TNFAIP3: variants seen among roughly 807,000 people sequenced by gnomAD.
The protein encoded by TNFAIP3 is TNF alpha induced protein 3, also known as tumor necrosis factor alpha-induced protein 3.
TNFAIP3 carries 9 observed loss-of-function variants against 72.4 expected under a neutral mutation model. That is an observed-to-expected ratio of 0.12 (90% confidence interval 0.07 to 0.22). The LOEUF (loss-of-function observed/expected upper bound fraction) is 0.22. Among genes scored for constraint, TNFAIP3 ranks in the 10% least tolerant of loss-of-function variants. The pLI is 1.00. For missense variants in TNFAIP3, 833 were observed against 1,018.7 expected, an observed-to-expected ratio of 0.82 and a Z score of 2.48; for synonymous variants, 339 against 372.6, an observed-to-expected ratio of 0.91 and a Z score of 1.04.
rs765957007 is a variant in TNFAIP3, at chr6:137,878,525, C to A, written c.1080C>A (p.Ser360Arg). ...AGTACAAGAAATGGCAGGAAAACAG[C>A]GAGCAGGGGAGGAGAGAGGGGCACG... ...QHEYKKWQEN[S>R]EQGRREGHAQ... The change falls in exon 7 of 9, where the codon AGC becomes AGA. Residue 360 changes from serine to arginine, a missense_variant. Physicochemically the swap from Ser to Arg is moderately radical, Grantham distance 110. Transcript: ENST00000612899. 1.9e-6 allele frequency: 3 copies of A among 1,614,104 alleles called. 1 individual carries two copies. Among genetic ancestry groups the A allele is most frequent in the African/African-American group, 1.3e-5 (1 of 74,934 alleles).
Position 137,878,813 on chromosome 6 carries a change from G to A in TNFAIP3, c.1368G>A (p.Gly456=), listed in dbSNP as rs201600532. The change falls in exon 7 of 9, where the codon GGG becomes GGA. Residue 456 remains glycine (G), a synonymous_variant. Coordinates refer to ENST00000612899, the MANE Select transcript of TNFAIP3 (RefSeq NM_001270508.2). ...GGAACCCTGAGGAGTCCACTGGGGG[G>A]CCTCATTCGGCCCCACCGACAGCAC... ...LAWNPEESTG[G]PHSAPPTAPS... 5.0e-6 allele frequency: 8 copies of A among 1,614,090 alleles called. No homozygotes were observed. Among genetic ancestry groups the A allele is most frequent in the Admixed American group, 3.3e-5 (2 of 60,028 alleles).
At chr6:137,873,295 T>G (rs1776124900) in intron 2 of TNFAIP3, among the ~76,000 whole-genome samples, 1 of 151,862 alleles carries the variant, frequency 6.6e-6, no homozygotes, top group African/African-American at 2.4e-5. Flanking sequence ...GGGGAGGGGG[T>G]GATTCACAAG....
intron 7 of TNFAIP3, 134 bp from the exon 8 acceptor site, chr6:137,879,937 T>C (rs1451969377): frequency 1.1e-5 from 7 of 655,702 alleles, no homozygotes; most frequent in Non-Finnish European, 1.8e-5. Context: ...CTTAAACATA[T>C]ACATATATAT....
At chr6:137,873,717 CA>C (rs1776136555) in intron 2 of TNFAIP3, among the ~76,000 whole-genome samples, 1 of 152,130 alleles carries the variant, frequency 6.6e-6, no homozygotes, top group African/African-American at 2.4e-5. Flanking sequence ...TGCCAAGACA[CA>C]AGGCTTGGGC....
intron 5 of TNFAIP3, 93 bp downstream of exon 5, chr6:137,876,259 A>G: frequency 9.4e-7 from 1 of 1,060,656 alleles, no homozygotes; most frequent in Non-Finnish European, 1.4e-6. Context: ...TTATTTAAGT[A>G]TATTATTTTT....
intron 1 of TNFAIP3, among the ~76,000 whole-genome samples, chr6:137,870,828 A>C (rs145113712): frequency 6.6e-5 from 10 of 152,270 alleles, no homozygotes; most frequent in Non-Finnish European, 1.2e-4. Flanking sequence ...GTACTCCCCA[A>C]ATCCAGTGCT....
At position 137,877,255 on chromosome 6, in the gene TNFAIP3, A is replaced by G. The variant is rs1776282083; in HGVS notation, c.985A>G (p.Lys329Glu). The change falls in exon 6 of 9, where the codon AAG becomes GAG. Residue 329 changes from lysine to glutamate, a missense_variant and splice_region_variant. This residue lies in a region of TNFAIP3 where 587 missense variants were observed against 657.8 expected (regional missense o/e 0.89). Coordinates refer to ENST00000612899, the MANE Select transcript of TNFAIP3 (RefSeq NM_001270508.2). ...HGTTHLINAA[K>E]LDEANLPKEI... Reference sequence around the variant, plus strand: ...CACAACTCATCTCATCAATGCCGCAAAGTAAGCAGTTTATGTTCAGCTCTC... The same window carrying G: ...CACAACTCATCTCATCAATGCCGCAGAGTAAGCAGTTTATGTTCAGCTCTC... The G allele has an allele frequency of 6.2e-7, 1 of 1,605,382 alleles. No homozygotes were observed. Among genetic ancestry groups the G allele is most frequent in the Non-Finnish European group, 8.5e-7 (1 of 1,176,304 alleles).
chr6:137,872,594 T>C (rs868023666), intron 2 of TNFAIP3, among the ~76,000 whole-genome samples: 3 of 152,196 alleles, frequency 2.0e-5, no homozygotes, highest in African/African-American at 4.8e-5. Context: ...GACATGGGTT[T>C]TTAAATTTTG....
rs1234637637 is a variant in TNFAIP3 at position 137,880,272 on chromosome 6, T to C, written c.2088+20T>C. 1 of 1,613,134 alleles carries C rather than the reference T, an allele frequency of 6.2e-7. No individual in the cohort carries two copies. Among genetic ancestry groups the C allele is most frequent in the African/African-American group, 1.3e-5 (1 of 75,018 alleles). ...CAACTGGTGAGACACTTGGAGGAGCTTTCCCTCCCTCCCGTGTGTTCGATG... is the reference window on the plus strand; with the variant it reads ...CAACTGGTGAGACACTTGGAGGAGCCTTCCCTCCCTCCCGTGTGTTCGATG... On this transcript the variant is annotated intron_variant, in intron 8 of 8. Transcript: ENST00000612899.
At chr6:137,878,411 T>C (rs1332331545) in intron 6 of TNFAIP3, 21 bp from the exon 7 acceptor site, 4 of 1,582,616 alleles carry the variant, frequency 2.5e-6, no homozygotes, top group African/African-American at 2.7e-5. Flanking sequence ...CTCATACATA[T>C]TTTTTCCTTT....
In TNFAIP3 at chr6:137,883,147, G is replaced by GA. The variant is rs981432800; in HGVS notation, c.*1835dup. On this transcript the variant is annotated 3_prime_UTR_variant, in exon 9 of 9. Transcript: ENST00000612899. ...TGATCATTATTTCCATTCTTAATGT[G>GA]AAAAAAAGTAATTATTTATACTTAT... 3 of 203,460 alleles carry GA rather than the reference G, an allele frequency of 1.5e-5. No homozygotes were observed. Among genetic ancestry groups the GA allele is most frequent in the Admixed American group, 1.2e-4 (2 of 16,720 alleles). 12.6% of individuals were successfully genotyped at this position (203,460 alleles called of 1,614,324 possible).
At chr6:137,879,942 A>C in intron 7 of TNFAIP3, 129 bp from the exon 8 acceptor site, 1 of 675,120 alleles carries the variant, frequency 1.5e-6, no homozygotes. Flanking sequence ...ACATATACAT[A>C]TATATATTTC....
In TNFAIP3 at chr6:137,879,281, C is replaced by T. The variant is rs2114506070; in HGVS notation, c.1836C>T (p.Cys612=). Residue 612 remains cysteine (C), a synonymous_variant, in exon 7 of 9, where the codon TGC becomes TGT. Transcript: ENST00000612899. ...TGTSKCRKAG[C]VYFGTPENKG... is the part of the protein sequence containing the mutation. Reference sequence around the variant, plus strand: ...CGAGCAAGTGCAGAAAAGCCGGCTGCGTGTATTTTGGGACTCCAGAAAACA... The same window carrying T: ...CGAGCAAGTGCAGAAAAGCCGGCTGTGTGTATTTTGGGACTCCAGAAAACA... 3.7e-6 allele frequency: 6 copies of T among 1,614,174 alleles called. No individual in the cohort carries two copies. The highest frequency in any genetic ancestry group is 1.1e-5 in the South Asian group (1 of 91,090).
rs1298627749 is a variant in TNFAIP3 at position 137,871,311 on chromosome 6, C to T, written c.84C>T (p.Asp28=). ...AVKIRERTPE[D]IFKPTNGIIH... is the part of the protein sequence containing the mutation. ...AGATACGGGAGAGAACTCCAGAAGA[C>T]ATTTTTAAACCTACTAATGGGATCA... is the stretch of plus-strand genomic sequence containing the variant. Residue 28 remains aspartate, a synonymous_variant, in exon 2 of 9, where the codon GAC becomes GAT. Coordinates refer to ENST00000612899, the MANE Select transcript of TNFAIP3 (RefSeq NM_001270508.2). The surrounding 1 kb of genome is among the most constrained non-coding windows in gnomAD (Gnocchi z 4.2). The T allele has an allele frequency of 1.2e-6, 2 of 1,614,048 alleles. No individual in the cohort carries two copies. The highest frequency in any genetic ancestry group is 2.2e-5 in the South Asian group (2 of 91,072).
At position 137,882,719 on chromosome 6, in the gene TNFAIP3, G is replaced by C. The variant is rs192024473; in HGVS notation, c.*1400G>C. 3.4e-5 allele frequency: 8 copies of C among 232,728 alleles called. No homozygotes were observed. The East Asian group carries it at 3.6e-4, about 10-fold the overall frequency. The allele number at this position is 232,728 out of a possible 1,614,324, so 14.4% of individuals were successfully genotyped here. ...TATTTTCTGTTAACACTGTGTCCTG[G>C]GGGGGCTGGGAAGTCCCCTGCATCC... On this transcript the variant is annotated 3_prime_UTR_variant, in exon 9 of 9. Transcript: ENST00000612899.
At chr6:137,880,989 A>G (rs1220260279) in intron 8 of TNFAIP3, 46 bp from the exon 9 acceptor site, 1 of 1,541,770 alleles carries the variant, frequency 6.5e-7, no homozygotes, top group African/African-American at 1.4e-5. Context: ...AAATGTGAGC[A>G]ATAGTTTCCT....
Position 137,877,335 on chromosome 6 carries a change from T to A in TNFAIP3, c.986+79T>A, listed in dbSNP as rs1387918419. ...TCAGCCACCTGAGTTGCTGCCACCC[T>A]GAAGCTCAACAGTAGAGTGATTTGC... is the stretch of plus-strand genomic sequence containing the variant. On this transcript the variant is annotated intron_variant, in intron 6 of 8. Coordinates refer to ENST00000612899, the MANE Select transcript of TNFAIP3 (RefSeq NM_001270508.2). 3 of 1,338,286 alleles carry A rather than the reference T, an allele frequency of 2.2e-6. No individual in the cohort carries two copies. In the African/African-American group the frequency reaches 4.4e-5, roughly 20 times the overall value. 82.9% of individuals were successfully genotyped at this position (1,338,286 alleles called of 1,614,324 possible).
chr6:137,874,961 T>C lies in TNFAIP3; in HGVS notation c.412T>C (p.Phe138Leu). Residue 138 changes from phenylalanine to leucine, a missense_variant, in exon 3 of 9, where the codon TTT becomes CTT. Phe to Leu is a conservative substitution (Grantham distance 22). This residue lies in a region of TNFAIP3 where 246 missense variants were observed against 360.9 expected (regional missense o/e 0.68). Coordinates refer to ENST00000612899, the MANE Select transcript of TNFAIP3 (RefSeq NM_001270508.2). Reference sequence around the variant, plus strand: ...GCTCAAGGAAACAGACACACGCAACTTTAAATTCCGCTGGCAACTGGAGTC... The same window carrying C: ...GCTCAAGGAAACAGACACACGCAACCTTAAATTCCGCTGGCAACTGGAGTC... ...STLKETDTRN[F>L]KFRWQLESLK... 6.2e-7 allele frequency: 1 copy of C among 1,614,256 alleles called. No individual in the cohort carries two copies. The highest frequency in any genetic ancestry group is 1.3e-5 in the African/African-American group (1 of 75,072).
At chr6:137,879,412 G>C in intron 7 of TNFAIP3, 61 bp downstream of exon 7, 1 of 1,526,246 alleles carries the variant, frequency 6.6e-7, no homozygotes, top group Non-Finnish European at 8.8e-7. Flanking sequence ...TTTTGTTCCT[G>C]ACCTTTAAGA....
Sources: allele counts gnomAD v4.1 joint callset (sites outside exome capture counted in the v4.1 genomes callset), GRCh38; gene constraint gnomAD v4.1.1; regional missense constraint gnomAD v4.1.1; non-coding constraint Gnocchi (gnomAD v3.1); transcripts MANE v1.5; gene names NCBI Gene and HGNC (gene_info 2026-07-23, HGNC 2026-07-21).